The following NAV2 variants were observed in gnomAD, a reference collection of about 807,000 sequenced individuals.
NAV2 encodes the protein neuron navigator 2.
In NAV2, 54 loss-of-function variants were observed where a neutral mutation model predicts 223.2. The ratio of observed to expected loss-of-function variants is 0.24; its 90% CI spans 0.19 to 0.30. NAV2 has a LOEUF of 0.30. NAV2 is among the 10% of genes least tolerant of loss of function. The pLI is 1.00. For synonymous variants in NAV2, 1,279 were observed against 1,239.3 expected (o/e 1.03, Z -0.67); for missense variants, 2,806 against 3,147.5 (o/e 0.89, Z 2.60).
intron 16 of NAV2, 77 bp downstream of exon 16, chr11:20,049,978 T>C: frequency 6.9e-7 from 1 of 1,439,524 alleles, no homozygotes; most frequent in Non-Finnish European, 9.8e-7. Flanking sequence ...AGATGTCTTG[T>C]GCGAGGCTGT....
chr11:20,118,133 A>G lies in NAV2; in HGVS notation c.7165A>G (p.Met2389Val), dbSNP rs1214296281. ...TCATGCTTCTCCACTCTTCCCCTAG[A>G]TGAACATGCTGATGAGGCTGCAGGA... ...PPSDAEGDPL[M>V]NMLMRLQEAA... The change falls in exon 38 of 38, where the codon ATG becomes GTG. Residue 2389 changes from methionine (M) to valine (V), a missense_variant and splice_region_variant. Physicochemically the swap from Met to Val is conservative, Grantham distance 21. Around this residue, in one of 4 missense-constraint regions of NAV2, gnomAD observed 824 missense variants for 1,069.4 expected, o/e 0.77. Coordinates refer to ENST00000349880, the MANE Select transcript of NAV2 (RefSeq NM_145117.5). 2 of 1,591,770 alleles carry G rather than the reference A, an allele frequency of 1.3e-6. No homozygotes were observed.
chr11:20,014,391 A>G (rs932487809), intron 11 of NAV2, among the ~76,000 whole-genome samples: 17 of 152,336 alleles, frequency 1.1e-4, no homozygotes, highest in Admixed American at 1.0e-3. Context: ...GTGCCCCTAC[A>G]GCACCCTTAA....
intron 1 of NAV2, among the ~76,000 whole-genome samples, chr11:19,572,892 A>G (rs2045465621): frequency 6.6e-6 from 1 of 152,216 alleles, no homozygotes. Context: ...GGAAACCTAT[A>G]TGAATATGCT....
At chr11:19,607,400 A>T (rs1312052063) in intron 1 of NAV2, among the ~76,000 whole-genome samples, 1 of 152,300 alleles carries the variant, frequency 6.6e-6, no homozygotes, top group Non-Finnish European at 1.5e-5. Context: ...GCTCTGGGGA[A>T]GGCAGCCCAC....
chr11:20,045,175 C>T lies in NAV2; in HGVS notation c.3407C>T (p.Thr1136Ile), dbSNP rs1399034659. ...TCCGCCGCCGGCCTGGCCATGATCA[C>T]AGCCAGCGGGGTGACTGTCACCAGC... ...SGSAAGLAMI[T>I]ASGVTVTSRS... is the part of the protein sequence containing the mutation. Residue 1136 changes from threonine (T) to isoleucine (I), a missense_variant, in exon 14 of 38, where the codon ACA becomes ATA. Around this residue, in one of 4 missense-constraint regions of NAV2, gnomAD observed 742 missense variants for 777.9 expected, o/e 0.95. Transcript: ENST00000349880. 6.2e-7 allele frequency: 1 copy of T among 1,614,192 alleles called. No individual in the cohort carries two copies. The highest frequency in any genetic ancestry group is 1.6e-4 in the Middle Eastern group (1 of 6,062).
intron 6 of NAV2, among the ~76,000 whole-genome samples, chr11:19,927,165 G>C (rs985160582): frequency 6.6e-6 from 1 of 152,198 alleles, no homozygotes; most frequent in African/African-American, 2.4e-5. Context: ...TGTCTGCAGT[G>C]TTTCAAATGA....
In NAV2 at chr11:19,589,133, G is replaced by A. The variant is rs2045981156; in HGVS notation, c.75+238106G>A. On this transcript the variant is annotated intron_variant, in intron 1 of 37. Transcript: ENST00000360655. ...AACCCAGGTGAGCTCACAGTCTAGA[G>A]GGAGACAGAGAAGTCCTGTATTTCT... Among the ~76,000 whole-genome samples, 5 of 152,124 alleles carry A rather than the reference G, an allele frequency of 3.3e-5. No homozygotes were observed. The South Asian group carries it at 1.0e-3, about 32-fold the overall frequency.
At chr11:19,621,117 G>A (rs1187114724) in intron 1 of NAV2, among the ~76,000 whole-genome samples, 1 of 152,174 alleles carries the variant, frequency 6.6e-6, no homozygotes, top group Admixed American at 6.6e-5. Context: ...AAGCCCACTT[G>A]ATCATGATGG....
intron 10 of NAV2, among the ~76,000 whole-genome samples, chr11:19,977,874 G>A (rs986703541): frequency 4.8e-5 from 7 of 145,298 alleles, no homozygotes; most frequent in African/African-American, 1.3e-4. Flanking sequence ...GCACAGTCTC[G>A]GCTCACTGCA....
At chr11:19,355,474 A>G (rs1853566484) in intron 1 of NAV2, among the ~76,000 whole-genome samples, 1 of 152,034 alleles carries the variant, frequency 6.6e-6, no homozygotes, top group South Asian at 2.1e-4. Flanking sequence ...AGGGTAATAT[A>G]CTATCATATT....
intron 11 of NAV2, among the ~76,000 whole-genome samples, chr11:20,001,869 G>A (rs2052587489): frequency 6.6e-6 from 1 of 152,068 alleles, no homozygotes; most frequent in African/African-American, 2.4e-5. Context: ...AAAAAAATCA[G>A]GGCAAGCCTC....
intron 1 of NAV2, among the ~76,000 whole-genome samples, chr11:19,777,149 A>G (rs1484276825): frequency 2.1e-5 from 3 of 143,436 alleles, no homozygotes; most frequent in Non-Finnish European, 4.6e-5. Flanking sequence ...CCGCGCTGCG[A>G]GGAGCGGGCG....
At position 20,032,232 on chromosome 11, in the gene NAV2, C is replaced by T. The variant is rs529469096; in HGVS notation, c.2769-3727C>T. Among the ~76,000 whole-genome samples the T allele has an allele frequency of 5.6e-4, 85 of 152,284 alleles. 1 individual carries two copies. Among genetic ancestry groups the T allele is most frequent in the African/African-American group, 1.9e-3 (78 of 41,558 alleles). The stretch of plus-strand genomic sequence containing the variant: ...TTCCCTCGTGTCACTGCCCTTCATC[C>T]TTGTCATAAGTGTCCCCCACTCCCA... On this transcript the variant is annotated intron_variant, in intron 11 of 37. Transcript: ENST00000349880.
At chr11:19,698,399 C>G (rs1043171840) in intron 1 of NAV2, among the ~76,000 whole-genome samples, 11 of 152,192 alleles carry the variant, frequency 7.2e-5, no homozygotes, top group African/African-American at 2.7e-4. Context: ...CCCCGTGGGC[C>G]CAGAGAGCCC....
chr11:19,883,317 T>C (rs1337993489), intron 5 of NAV2, among the ~76,000 whole-genome samples: 1 of 152,180 alleles, frequency 6.6e-6, no homozygotes, highest in African/African-American at 2.4e-5. Context: ...GAGCAAATCT[T>C]CCATGACAGC....
intron 1 of NAV2, among the ~76,000 whole-genome samples, chr11:19,824,979 G>A (rs751400269): frequency 2.6e-5 from 4 of 152,064 alleles, no homozygotes; most frequent in Non-Finnish European, 5.9e-5. Flanking sequence ...ATTTAACCAC[G>A]TACTGCTCAG....
intron 1 of NAV2, among the ~76,000 whole-genome samples, chr11:19,735,468 A>G (rs759572990): frequency 3.9e-5 from 6 of 152,218 alleles, no homozygotes; most frequent in Admixed American, 2.0e-4. Flanking sequence ...AGCACCTACT[A>G]TGTTCCAGGC....
intron 1 of NAV2, among the ~76,000 whole-genome samples, chr11:19,517,251 G>A (rs1372084764): frequency 1.3e-5 from 2 of 152,138 alleles, no homozygotes; most frequent in Non-Finnish European, 1.5e-5. Context: ...AAGCCTGGAG[G>A]TTCTGCATGT....
At chr11:19,356,735 G>A (rs557895020) in intron 1 of NAV2, among the ~76,000 whole-genome samples, 2 of 152,294 alleles carry the variant, frequency 1.3e-5, no homozygotes, top group South Asian at 4.2e-4. Flanking sequence ...AAACATTCAT[G>A]AAACCTTAAC....
Sources: allele counts gnomAD v4.1 joint callset (sites outside exome capture counted in the v4.1 genomes callset), GRCh38; gene constraint gnomAD v4.1.1; regional missense constraint gnomAD v4.1.1; transcripts MANE v1.5; gene names NCBI Gene and HGNC (gene_info 2026-07-23, HGNC 2026-07-21).